Variants in TTC6 observed in about 807,000 individuals in gnomAD.
TTC6 encodes tetratricopeptide repeat domain 6, also known as tetratricopeptide repeat protein 6.
In TTC6, 172 loss-of-function variants were observed where a neutral mutation model predicts 210.4. That is an observed-to-expected ratio of 0.82 (90% confidence interval 0.72 to 0.93). The LOEUF (loss-of-function observed/expected upper bound fraction) is 0.93, where lower values mean the gene tolerates loss of function less well. Ranked by LOEUF, TTC6 falls within the 40% of genes least tolerant of loss-of-function variation. The pLI is 0.00. For synonymous variants in TTC6, 804 were observed against 819.6 expected (o/e 0.98, Z 0.32); for missense variants, 2,414 against 2,318.1 (o/e 1.04, Z -0.85).
chr14:37,748,443 T>G (rs1241075021), intron 10 of TTC6, among the ~76,000 whole-genome samples: 1 of 152,158 alleles, frequency 6.6e-6, no homozygotes, highest in Non-Finnish European at 1.5e-5. Flanking sequence ...ACTTGTAGCA[T>G]TTGAAAGCAT....
chr14:37,739,241 AT>A, intron 10 of TTC6, 86 bp downstream of exon 12: 2 of 1,292,886 alleles, frequency 1.5e-6, no homozygotes, highest in Non-Finnish European at 2.1e-6. Context: ...TGAAGTTATT[AT>A]TTTATTCTGC....
rs898874814 is a variant in TTC6 at position 37,639,255 on chromosome 14, G to A, written c.939+16252G>A. 3.3e-5 allele frequency among the ~76,000 whole-genome samples: 5 copies of A among 152,158 alleles called. No individual in the cohort carries two copies. In the South Asian group the frequency reaches 8.3e-4, roughly 25 times the overall value. On this transcript the variant is annotated intron_variant, in intron 1 of 30. Transcript: ENST00000553443. ...AAGGTATAAATCAAATAACCTACCA[G>A]GATCTGGGCAGAGAAAAGCAATCTG...
chr14:37,723,342 G>C (rs1170695895), intron 6 of TTC6, among the ~76,000 whole-genome samples: 1 of 152,072 alleles, frequency 6.6e-6, no homozygotes, highest in African/African-American at 2.4e-5. Context: ...GTTGCTTCTA[G>C]GTCTTGTCAG....
At chr14:37,806,048 A>G (rs2139410875) in intron 21 of TTC6, among the ~76,000 whole-genome samples, 1 of 152,304 alleles carries the variant, frequency 6.6e-6, no homozygotes, top group South Asian at 2.1e-4. Flanking sequence ...AATGAAAAAT[A>G]AATGTGCTGG....
At chr14:37,608,609 C>A (rs1054108134) in intron 2 of TTC6, among the ~76,000 whole-genome samples, 1 of 152,036 alleles carries the variant, frequency 6.6e-6, no homozygotes. Context: ...TGCTTGCAAG[C>A]CTTATCTACA....
intron 1 of TTC6, among the ~76,000 whole-genome samples, chr14:37,597,544 CA>C (rs33958559): frequency 0.68 from 101,480 of 148,782 alleles, 34,482 homozygotes; most frequent in East Asian, 0.86. Flanking sequence ...CTCATATTTT[CA>C]AAAAAAAAAA....
intron 3 of TTC6, among the ~76,000 whole-genome samples, chr14:37,693,615 G>A (rs1279810222): frequency 6.6e-6 from 1 of 151,222 alleles, no homozygotes; most frequent in Admixed American, 6.6e-5. Flanking sequence ...AACAAACAAC[G>A]ACAACAAAAA....
At chr14:37,711,182 T>G (rs1221059898) in intron 5 of TTC6, among the ~76,000 whole-genome samples, 1 of 152,184 alleles carries the variant, frequency 6.6e-6, no homozygotes, top group East Asian at 1.9e-4. Flanking sequence ...GGGGCTGGCT[T>G]TGGCTGTGAG....
chr14:37,604,017 C>G (rs1341319809), intron 1 of TTC6, among the ~76,000 whole-genome samples: 1 of 152,190 alleles, frequency 6.6e-6, no homozygotes, highest in Admixed American at 6.5e-5. Context: ...ATTCTGGGAG[C>G]CTGAGAGGTG....
chr14:37,819,659 T>A (rs2096150941), intron 26 of TTC6, among the ~76,000 whole-genome samples: 1 of 152,240 alleles, frequency 6.6e-6, no homozygotes, highest in Non-Finnish European at 1.5e-5. Flanking sequence ...ATATCCTATC[T>A]ACTTTTTACT....
intron 5 of TTC6, among the ~76,000 whole-genome samples, chr14:37,706,687 C>T (rs2095836182): frequency 6.6e-6 from 1 of 152,022 alleles, no homozygotes; most frequent in African/African-American, 2.4e-5. Flanking sequence ...TTATATAAAA[C>T]AATTTTTTCT....
chr14:37,661,245 C>T (rs12587981), intron 1 of TTC6, among the ~76,000 whole-genome samples: 1 of 152,030 alleles, frequency 6.6e-6, no homozygotes. Flanking sequence ...CATGTCTTTG[C>T]CATACAATCT....
intron 14 of TTC6, among the ~76,000 whole-genome samples, chr14:37,773,638 C>T (rs1044545296): frequency 2.6e-5 from 4 of 152,028 alleles, no homozygotes; most frequent in Non-Finnish European, 4.4e-5. Flanking sequence ...GTACCAGTAC[C>T]ATGCTGTTTT....
At chr14:37,613,505 T>A (rs1165184527) in intron 2 of TTC6, among the ~76,000 whole-genome samples, 1 of 152,122 alleles carries the variant, frequency 6.6e-6, no homozygotes, top group African/African-American at 2.4e-5. Flanking sequence ...GTAGGTATCA[T>A]AAAATAAATT....
chr14:37,760,097 T>C (rs941584161), intron 14 of TTC6, among the ~76,000 whole-genome samples: 5 of 152,212 alleles, frequency 3.3e-5, no homozygotes, highest in African/African-American at 1.2e-4. Context: ...TTTGGAATTT[T>C]CAGCTTTTTT....
chr14:37,761,214 G>A (rs2095983472), intron 14 of TTC6, among the ~76,000 whole-genome samples: 2 of 151,960 alleles, frequency 1.3e-5, no homozygotes, highest in African/African-American at 2.4e-5. Flanking sequence ...TCTAGGCTGG[G>A]TAGCATAGTC....
At chr14:37,720,226 T>C (rs1369848235) in intron 6 of TTC6, among the ~76,000 whole-genome samples, 1 of 152,092 alleles carries the variant, frequency 6.6e-6, no homozygotes, top group Non-Finnish European at 1.5e-5. Flanking sequence ...ATCATTGATA[T>C]ATTGTTTTTG....
At chr14:37,668,656 AG>A (rs1179694653) in intron 1 of TTC6, among the ~76,000 whole-genome samples, 1 of 152,256 alleles carries the variant, frequency 6.6e-6, no homozygotes, top group African/African-American at 2.4e-5. Context: ...ATCCAGAGTC[AG>A]GAGGCAGAAA....
chr14:37,827,136 C>G, intron 28 of TTC6, 60 bp from the exon 31 acceptor site: 1 of 1,361,894 alleles, frequency 7.3e-7, no homozygotes, highest in Admixed American at 2.2e-5. Context: ...TTTTGGCAGA[C>G]ATGACATCAG....
Sources: gnomAD v4.1 joint callset for allele counts (sites outside exome capture counted in the v4.1 genomes callset) on GRCh38, gnomAD v4.1.1 for gene constraint, MANE v1.5 for transcripts, NCBI Gene and HGNC (gene_info 2026-07-23, HGNC 2026-07-21) for gene names.